Variants in KPNA4 observed in about 807,000 individuals in gnomAD.
The protein encoded by KPNA4 is karyopherin subunit alpha 4.
A neutral mutation model predicts 71.3 loss-of-function variants in KPNA4; 13 were observed. The ratio of observed to expected loss-of-function variants is 0.18; its 90% CI spans 0.12 to 0.29. KPNA4 has a LOEUF of 0.29. KPNA4 is among the 10% of genes least tolerant of loss of function. KPNA4 has a pLI of 1.00. For synonymous variants in KPNA4, 189 were observed against 195.2 expected (o/e 0.97, Z 0.26); for missense variants, 334 against 603.2 (o/e 0.55, Z 4.67).
chr3:160,520,188 G>A (rs190323983), intron 11 of KPNA4, among the ~76,000 whole-genome samples: 11 of 151,268 alleles, frequency 7.3e-5, no homozygotes, highest in African/African-American at 2.7e-4. Context: ...CAAACTTAAG[G>A]ATAAACATAT....
intron 1 of KPNA4, among the ~76,000 whole-genome samples, chr3:160,546,099 C>T (rs1721900733): frequency 6.6e-6 from 1 of 151,574 alleles, no homozygotes; most frequent in South Asian, 2.1e-4. Context: ...GGAAAGTTGT[C>T]AGTGTCCAAA....
At chr3:160,535,623 A>C (rs1356971743) in intron 4 of KPNA4, 38 bp downstream of exon 4, 1 of 1,589,094 alleles carries the variant, frequency 6.3e-7, no homozygotes, top group African/African-American at 1.4e-5. Context: ...GTTGAGGACA[A>C]GAAATGCAAA....
intron 1 of KPNA4, among the ~76,000 whole-genome samples, chr3:160,560,059 T>C (rs913365284): frequency 1.3e-5 from 2 of 152,002 alleles, no homozygotes; most frequent in African/African-American, 4.8e-5. Flanking sequence ...AAAAACCCTC[T>C]GAGAAAAAAA....
chr3:160,515,405 T>C (rs954249133), intron 12 of KPNA4, 47 bp downstream of exon 12: 1 of 1,475,850 alleles, frequency 6.8e-7, no homozygotes, highest in Non-Finnish European at 9.3e-7. Context: ...ATAGAAACTG[T>C]TAACATTTTA....
intron 11 of KPNA4, among the ~76,000 whole-genome samples, chr3:160,520,864 T>C (rs1721334117): frequency 6.6e-6 from 1 of 152,180 alleles, no homozygotes; most frequent in Admixed American, 6.5e-5. Flanking sequence ...TAAAATATAC[T>C]ATTTACCTCA....
chr3:160,523,947 G>A (rs541149930), intron 10 of KPNA4, among the ~76,000 whole-genome samples: 1 of 152,194 alleles, frequency 6.6e-6, no homozygotes, highest in South Asian at 2.1e-4. Context: ...TTTCTTTTCT[G>A]GAATATTAAC....
chr3:160,562,164 C>G (rs1286457559), intron 1 of KPNA4, among the ~76,000 whole-genome samples: 2 of 152,086 alleles, frequency 1.3e-5, no homozygotes, highest in Non-Finnish European at 2.9e-5. Context: ...AGCCACTAAC[C>G]ACATGTGGCT....
intron 1 of KPNA4, among the ~76,000 whole-genome samples, chr3:160,553,463 C>G (rs1447405218): frequency 6.6e-6 from 1 of 152,192 alleles, no homozygotes; most frequent in Non-Finnish European, 1.5e-5. Flanking sequence ...GAAAATAAAA[C>G]TTAGCAGCTG....
chr3:160,537,237 A>G (rs1010098573), intron 1 of KPNA4, among the ~76,000 whole-genome samples: 1 of 151,648 alleles, frequency 6.6e-6, no homozygotes. Flanking sequence ...AAAAAAGCGA[A>G]AAAAAGCCAA....
intron 12 of KPNA4, chr3:160,515,155 AT>A (rs1350560188): frequency 7.6e-6 from 4 of 527,466 alleles, no homozygotes; most frequent in Non-Finnish European, 1.5e-5. Flanking sequence ...CACTAAACTT[AT>A]AAGAATTACA....
intron 10 of KPNA4, among the ~76,000 whole-genome samples, chr3:160,522,354 T>C (rs1038002870): frequency 2.6e-5 from 4 of 152,258 alleles, no homozygotes; most frequent in African/African-American, 9.6e-5. Context: ...GTATTGTAAG[T>C]ACCATGTAGA....
intron 13 of KPNA4, among the ~76,000 whole-genome samples, chr3:160,510,767 C>T (rs866425021): frequency 4.0e-5 from 6 of 150,764 alleles, no homozygotes; most frequent in Admixed American, 2.6e-4. Flanking sequence ...TATAATCGGG[C>T]AAAAACATCA....
chr3:160,536,125 C>T (rs988303215), intron 2 of KPNA4, among the ~76,000 whole-genome samples: 4 of 151,824 alleles, frequency 2.6e-5, no homozygotes, highest in Non-Finnish European at 5.9e-5. Context: ...TTTAATGAAC[C>T]GTGAACTATG....
chr3:160,534,890 A>G (rs942145755), intron 5 of KPNA4, among the ~76,000 whole-genome samples: 18 of 151,194 alleles, frequency 1.2e-4, no homozygotes, highest in Non-Finnish European at 2.4e-4. Flanking sequence ...TGCTGGGCTA[A>G]TTTTTGTATT....
At chr3:160,525,630 T>C (rs1437662457) in intron 10 of KPNA4, among the ~76,000 whole-genome samples, 170 bp downstream of exon 10, 2 of 152,038 alleles carry the variant, frequency 1.3e-5, no homozygotes, top group African/African-American at 2.4e-5. Context: ...AGAGTAAATA[T>C]TAAAATATTA....
intron 1 of KPNA4, among the ~76,000 whole-genome samples, chr3:160,558,068 T>C (rs778055368): frequency 1.2e-4 from 18 of 152,238 alleles, no homozygotes; most frequent in Admixed American, 3.3e-4. Flanking sequence ...GGGTACTAAA[T>C]AGTGTGAATT....
chr3:160,560,306 A>G (rs913342988), intron 1 of KPNA4, among the ~76,000 whole-genome samples: 9 of 152,132 alleles, frequency 5.9e-5, no homozygotes, highest in South Asian at 4.1e-4. Flanking sequence ...TCTTTAAAAT[A>G]AATTCAATAT....
At chr3:160,552,545 T>C (rs768670241) in intron 1 of KPNA4, among the ~76,000 whole-genome samples, 5 of 152,206 alleles carry the variant, frequency 3.3e-5, no homozygotes, top group Admixed American at 6.5e-5. Context: ...AGGGAGCTTA[T>C]AGTCTGACGG....
At chr3:160,545,214 T>C (rs1175255914) in intron 1 of KPNA4, among the ~76,000 whole-genome samples, 3 of 152,236 alleles carry the variant, frequency 2.0e-5, no homozygotes, top group East Asian at 3.8e-4. Context: ...ACATTAAACT[T>C]AGCAACAGAA....
Sources: allele counts gnomAD v4.1 joint callset (sites outside exome capture counted in the v4.1 genomes callset), GRCh38; gene constraint gnomAD v4.1.1; transcripts MANE v1.5; gene names NCBI Gene and HGNC (gene_info 2026-07-23, HGNC 2026-07-21).